Variants in TCF20 observed in about 807,000 individuals in gnomAD.
TCF20 encodes transcription factor 20.
TCF20 carries 3 observed loss-of-function variants against 148.6 expected under a neutral mutation model. That is an observed-to-expected ratio of 0.02 (90% CI 0.01 to 0.05). TCF20 has a LOEUF of 0.05. Ranked by LOEUF, TCF20 falls within the 10% of genes least tolerant of loss-of-function variation. The pLI, the probability that TCF20 is intolerant of heterozygous loss-of-function variation, is 1.00. For missense variants in TCF20, 2,350 were observed against 2,429.3 expected (o/e 0.97, Z 0.69); for synonymous variants, 1,049 against 909.5 (o/e 1.15, Z -2.76).
chr22:42,340,020 G>A (rs1432732486), intron 1 of TCF20, among the ~76,000 whole-genome samples: 1 of 152,196 alleles, frequency 6.6e-6, no homozygotes, highest in African/African-American at 2.4e-5. Context: ...CAGGGGGTAG[G>A]GGGAGTAGGC....
chr22:42,189,961 CTG>C (rs1322630795), intron 2 of TCF20, among the ~76,000 whole-genome samples: 1 of 152,178 alleles, frequency 6.6e-6, no homozygotes, highest in African/African-American at 2.4e-5. Flanking sequence ...TGGAGCGGAG[CTG>C]TCCACTGAAG....
In TCF20 at chr22:42,209,908, G is replaced by T. The variant is rs1040465334; in HGVS notation, c.5398C>A (p.Arg1800=). 2 of 1,614,052 alleles carry T rather than the reference G, an allele frequency of 1.2e-6. No homozygotes were observed. Among genetic ancestry groups the T allele is most frequent in the South Asian group, 1.1e-5 (1 of 91,088 alleles). The change falls in exon 2 of 6, where the codon CGG becomes AGG. Residue 1800 remains arginine, a synonymous_variant. Coordinates refer to ENST00000677622, the MANE Select transcript of TCF20 (RefSeq NM_001378418.1). ...CAAGGGAGCCCCCTGGACAGGGACCGAGGGCCTCCACCACAGTCTTCCGAG... is the reference window on the plus strand; with the variant it reads ...CAAGGGAGCCCCCTGGACAGGGACCTAGGGCCTCCACCACAGTCTTCCGAG... ...HRSEDCGGGP[R]SLSRGLPCKK...
At chr22:42,176,801 C>T (rs1044727589) in intron 3 of TCF20, among the ~76,000 whole-genome samples, 3 of 151,682 alleles carry the variant, frequency 2.0e-5, no homozygotes, top group African/African-American at 7.3e-5. Context: ...GCTGATCTTA[C>T]GGAAGTATTA....
chr22:42,168,399 C>T (rs1347673441), intron 5 of TCF20, among the ~76,000 whole-genome samples: 2 of 152,206 alleles, frequency 1.3e-5, no homozygotes, highest in African/African-American at 4.8e-5. Flanking sequence ...CCCTGCACCC[C>T]ATTGGCAGTG....
At chr22:42,218,905 A>AAAAAAT (rs1922068913) in intron 1 of TCF20, among the ~76,000 whole-genome samples, 1 of 152,168 alleles carries the variant, frequency 6.6e-6, no homozygotes, top group Non-Finnish European at 1.5e-5. Flanking sequence ...AAAGAAAAAA[A>AAAAAAT]AAAAATCCAA....
intron 2 of TCF20, among the ~76,000 whole-genome samples, chr22:42,200,466 C>A (rs1466183723): frequency 6.6e-6 from 1 of 152,046 alleles, no homozygotes; most frequent in Non-Finnish European, 1.5e-5. Context: ...CATGGTCAAA[C>A]CCCATCTCTA....
chr22:42,219,355 CAAAAAAAA>C (rs528664836), intron 1 of TCF20, among the ~76,000 whole-genome samples: 15 of 43,562 alleles, frequency 3.4e-4, no homozygotes, highest in Admixed American at 1.6e-3. Context: ...AACCCTGTCT[CAAAAAAAA>C]AAAAAAAAAA....
intron 1 of TCF20, among the ~76,000 whole-genome samples, chr22:42,316,915 G>A (rs1179614980): frequency 1.3e-5 from 2 of 152,068 alleles, no homozygotes; most frequent in East Asian, 1.9e-4. Context: ...GCCAAGCGTC[G>A]CCCTTTCCCC....
intron 1 of TCF20, among the ~76,000 whole-genome samples, chr22:42,269,428 A>G (rs574205994): frequency 1.3e-5 from 2 of 152,034 alleles, no homozygotes; most frequent in South Asian, 2.1e-4. Context: ...CAATAATCCC[A>G]CCCACAAGCA....
intron 1 of TCF20, among the ~76,000 whole-genome samples, chr22:42,318,445 A>G (rs899009949): frequency 1.3e-5 from 2 of 152,174 alleles, no homozygotes; most frequent in East Asian, 3.9e-4. Flanking sequence ...AGGAGGGAGG[A>G]GTGCGGCGCA....
intron 1 of TCF20, among the ~76,000 whole-genome samples, chr22:42,254,549 A>G (rs1168113124): frequency 1.3e-5 from 2 of 152,078 alleles, no homozygotes; most frequent in African/African-American, 4.8e-5. Flanking sequence ...TGGGGAAACA[A>G]TCTCTCACCT....
chr22:42,259,018 T>C (rs1488493933), intron 1 of TCF20, among the ~76,000 whole-genome samples: 1 of 152,184 alleles, frequency 6.6e-6, no homozygotes. Context: ...CTAGCTTTAG[T>C]TTACCACTCC....
Position 42,161,378 on chromosome 22 carries a change from C to A in TCF20, c.*45-20G>T. On this transcript the variant is annotated intron_variant, in intron 5 of 5. Coordinates refer to ENST00000677622, the MANE Select transcript of TCF20 (RefSeq NM_001378418.1). ...TCTCACCTGGAAGACAAGGGACACA[C>A]AGTGAAGGCCAGGAGCCTCCACAGG... is the stretch of plus-strand genomic sequence containing the variant. 2 of 1,614,034 alleles carry A rather than the reference C, an allele frequency of 1.2e-6. No homozygotes were observed. Among genetic ancestry groups the A allele is most frequent in the Non-Finnish European group, 1.7e-6 (2 of 1,179,926 alleles).
At chr22:42,227,272 C>G (rs1315684651) in intron 1 of TCF20, among the ~76,000 whole-genome samples, 4 of 151,888 alleles carry the variant, frequency 2.6e-5, no homozygotes, top group Middle Eastern at 3.4e-3. Context: ...GCAACAGCCT[C>G]TCTCAAAAAA....
chr22:42,306,863 A>G (rs1331509105), intron 1 of TCF20, among the ~76,000 whole-genome samples: 1 of 151,804 alleles, frequency 6.6e-6, no homozygotes, highest in Non-Finnish European at 1.5e-5. Context: ...ACATGGTGAA[A>G]CTCTGTCTCT....
At chr22:42,257,347 G>C (rs1296439922) in intron 1 of TCF20, among the ~76,000 whole-genome samples, 1 of 152,112 alleles carries the variant, frequency 6.6e-6, no homozygotes, top group Non-Finnish European at 1.5e-5. Context: ...GAAGAGCTTT[G>C]CAAGTTTTCT....
At position 42,210,913 on chromosome 22, in the gene TCF20, T is replaced by C. The variant is rs377612395; in HGVS notation, c.4393A>G (p.Thr1465Ala). ...CCAGGCTTCTGTGAGGTTGTGGATG[T>C]CATGGCACCAGGGGGTTCCTTTCCG... ...TAGKEPPGAM[T>A]STTSQKPGSN... is the part of the protein sequence containing the mutation. The change falls in exon 2 of 6, where the codon ACA (threonine) becomes GCA (alanine). Residue 1465 changes from threonine (T) to alanine (A), a missense_variant. By Grantham distance (58) the Thr-to-Ala change is moderately conservative. Transcript: ENST00000677622. The surrounding 1 kb of genome is among the most constrained non-coding windows in gnomAD (Gnocchi z 4.7). 47 of 1,614,044 alleles carry C rather than the reference T, an allele frequency of 2.9e-5. No individual in the cohort carries two copies. The highest frequency in any genetic ancestry group is 2.7e-4 in the Admixed American group (16 of 60,002).
In TCF20 at chr22:42,240,429, A is replaced by G. The variant is rs373537354; in HGVS notation, c.-36-25088T>C. On this transcript the variant is annotated intron_variant, in intron 1 of 5. Transcript: ENST00000677622. ...CACTTGTTTCAAGGTTAATGTTAGAATAACATGAGTCCATGAAAATAAGAC... is the reference window on the plus strand; with the variant it reads ...CACTTGTTTCAAGGTTAATGTTAGAGTAACATGAGTCCATGAAAATAAGAC... Among the ~76,000 whole-genome samples, 8 of 152,234 alleles carry G rather than the reference A, an allele frequency of 5.3e-5. No homozygotes were observed. In the East Asian group the frequency reaches 1.5e-3, roughly 29 times the overall value.
intron 5 of TCF20, among the ~76,000 whole-genome samples, chr22:42,166,908 T>C (rs1331099097): frequency 1.3e-5 from 2 of 152,128 alleles, no homozygotes; most frequent in Non-Finnish European, 2.9e-5. Flanking sequence ...GAAGGCACAG[T>C]GACACCCTCA....
Sources: gnomAD v4.1 joint callset for allele counts (sites outside exome capture counted in the v4.1 genomes callset) on GRCh38, gnomAD v4.1.1 for gene constraint, Gnocchi (gnomAD v3.1) non-coding constraint, MANE v1.5 for transcripts, NCBI Gene and HGNC (gene_info 2026-07-23, HGNC 2026-07-21) for gene names.